WWOX: variants seen among roughly 807,000 people sequenced by gnomAD.
The protein encoded by WWOX is WW domain-containing oxidoreductase.
WWOX carries 69 observed loss-of-function variants against 46.2 expected under a neutral mutation model. The observed-to-expected ratio is 1.49, with a 90% CI of 1.23 to 1.82. WWOX has a LOEUF of 1.82. Among genes scored for constraint, WWOX ranks in the 40% most tolerant of loss-of-function variants. The probability of loss-of-function intolerance (pLI) is 0.00; values close to 1 mark genes in which losing one functional copy is unlikely to be tolerated. For missense variants in WWOX, 919 were observed against 542.6 expected (o/e 1.69, Z -6.89); for synonymous variants, 359 against 202.6 (o/e 1.77, Z -6.56).
intron 8 of WWOX, among the ~76,000 whole-genome samples, chr16:78,952,149 C>T (rs2046073351): frequency 6.6e-6 from 1 of 152,058 alleles, no homozygotes; most frequent in African/African-American, 2.4e-5. Context: ...TAACCCTCTA[C>T]CCTCTCTTTT....
intron 8 of WWOX, among the ~76,000 whole-genome samples, chr16:78,622,069 C>T (rs951270987): frequency 6.6e-6 from 1 of 152,268 alleles, no homozygotes. Flanking sequence ...ACTGTGCATT[C>T]TAAGCACACC....
chr16:79,101,990 A>AT (rs1394487345), intron 8 of WWOX, among the ~76,000 whole-genome samples: 2 of 140,848 alleles, frequency 1.4e-5, no homozygotes, highest in Non-Finnish European at 3.1e-5. Context: ...AAGCTGCATC[A>AT]TCTTCCTCCT....
rs746139269 is a variant in WWOX at position 78,888,342 on chromosome 16, C to G, written c.1057-323266C>G. Among the ~76,000 whole-genome samples the G allele has an allele frequency of 2.0e-4, 30 of 152,192 alleles. 1 individual carries two copies. Among genetic ancestry groups the G allele is most frequent in the South Asian group, 6.2e-4 (3 of 4,824 alleles). On this transcript the variant is annotated intron_variant, in intron 8 of 8. Transcript: ENST00000566780. ...TTGATTTGTTGTTTCCTTCTCAGAA[C>G]TGAAATCCCAGGTACCTGCCCAGAG...
chr16:79,115,290 G>GA (rs1227304371), intron 8 of WWOX, among the ~76,000 whole-genome samples: 1 of 152,166 alleles, frequency 6.6e-6, no homozygotes, highest in Non-Finnish European at 1.5e-5. Context: ...TCTCATATGT[G>GA]AAAAAGAAAC....
intron 8 of WWOX, among the ~76,000 whole-genome samples, chr16:78,755,021 G>T (rs923040492): frequency 2.0e-5 from 3 of 151,126 alleles, no homozygotes; most frequent in African/African-American, 7.3e-5. Flanking sequence ...AACGGGAGGG[G>T]GGAACATCAC....
At chr16:79,196,459 CAGGG>C (rs149086664) in intron 8 of WWOX, 17,635 of 152,136 alleles carry the variant, frequency 0.12, 1,179 homozygotes, top group African/African-American at 0.18. Flanking sequence ...CTGGAGGCCC[CAGGG>C]TTATCTCTGC....
chr16:78,526,729 C>A lies in WWOX; in HGVS notation c.1056+93977C>A, dbSNP rs111925037. Among the ~76,000 whole-genome samples, 149 of 152,288 alleles carry A rather than the reference C, an allele frequency of 9.8e-4. 1 individual carries two copies. The highest frequency in any genetic ancestry group is 3.4e-3 in the African/African-American group (143 of 41,568). Reference sequence around the variant, plus strand: ...TGCTGACCTGTGACCATCTCCAAGTCCATGCCCAGGCCCCTACTAGGAGTT... The same window carrying A: ...TGCTGACCTGTGACCATCTCCAAGTACATGCCCAGGCCCCTACTAGGAGTT... On this transcript the variant is annotated intron_variant, in intron 8 of 8. Transcript: ENST00000566780.
intron 8 of WWOX, among the ~76,000 whole-genome samples, chr16:78,744,407 C>G (rs1355753053): frequency 6.7e-6 from 1 of 148,334 alleles, no homozygotes; most frequent in East Asian, 2.0e-4. Flanking sequence ...TAGGAAGGGC[C>G]CATGGTCCAC....
At chr16:79,074,414 T>G (rs1211085266) in intron 8 of WWOX, among the ~76,000 whole-genome samples, 1 of 105,524 alleles carries the variant, frequency 9.5e-6, no homozygotes, top group African/African-American at 4.2e-5. Context: ...TAGTCCTTTT[T>G]TTTTTTTTTT....
intron 8 of WWOX, among the ~76,000 whole-genome samples, chr16:79,151,131 T>TC (rs5818204): frequency 0.36 from 54,258 of 151,992 alleles, 10,175 homozygotes; most frequent in East Asian, 0.52. Flanking sequence ...TTGACTCATT[T>TC]CCCCAGAAAA....
chr16:79,150,535 G>C (rs781093738), intron 8 of WWOX, among the ~76,000 whole-genome samples: 1 of 152,170 alleles, frequency 6.6e-6, no homozygotes, highest in Non-Finnish European at 1.5e-5. Context: ...TCATCTCTAA[G>C]GGGCAGCCAT....
chr16:78,437,353 T>G (rs533298189), intron 8 of WWOX, among the ~76,000 whole-genome samples: 164 of 152,358 alleles, frequency 1.1e-3, no homozygotes, highest in African/African-American at 3.8e-3. Flanking sequence ...ATTTTACAAT[T>G]GGATGTTCTT....
intron 8 of WWOX, among the ~76,000 whole-genome samples, chr16:78,879,675 C>A (rs1434995918): frequency 6.6e-6 from 1 of 151,894 alleles, no homozygotes; most frequent in Non-Finnish European, 1.5e-5. Context: ...GTCGGGAGTT[C>A]GAGACCAGTC....
intron 8 of WWOX, among the ~76,000 whole-genome samples, chr16:78,826,788 G>C (rs940627012): frequency 2.6e-5 from 4 of 152,130 alleles, no homozygotes; most frequent in Non-Finnish European, 5.9e-5. Flanking sequence ...TGAGGTTTGA[G>C]GGGTGGTATG....
intron 5 of WWOX, among the ~76,000 whole-genome samples, chr16:78,184,118 A>G (rs1357000309): frequency 6.6e-6 from 1 of 152,046 alleles, no homozygotes; most frequent in Non-Finnish European, 1.5e-5. Context: ...TCCTTCCACC[A>G]TATCAGAAGG....
chr16:78,551,605 G>C (rs1958326317), intron 8 of WWOX: 1 of 152,228 alleles, frequency 6.6e-6, no homozygotes, highest in South Asian at 2.1e-4. Flanking sequence ...GCTTTGAATG[G>C]TGAATACCCT....
chr16:78,265,749 T>C (rs2079349598), intron 5 of WWOX, among the ~76,000 whole-genome samples: 1 of 151,030 alleles, frequency 6.6e-6, no homozygotes, highest in Admixed American at 6.6e-5. Flanking sequence ...CAAAGTTGTA[T>C]CAGCTTTTTT....
intron 5 of WWOX, among the ~76,000 whole-genome samples, chr16:78,319,515 G>C (rs1027977762): frequency 2.0e-5 from 3 of 151,912 alleles, no homozygotes; most frequent in Admixed American, 1.3e-4. Flanking sequence ...TCCCTCCTTG[G>C]CCTCCCAATC....
intron 8 of WWOX, among the ~76,000 whole-genome samples, chr16:79,121,751 A>G (rs1281682123): frequency 1.3e-5 from 2 of 152,236 alleles, no homozygotes; most frequent in Non-Finnish European, 2.9e-5. Flanking sequence ...GATAGATTCA[A>G]TTGGGAAAAC....
Sources: gnomAD v4.1 joint callset for allele counts (sites outside exome capture counted in the v4.1 genomes callset) on GRCh38, gnomAD v4.1.1 for gene constraint, MANE v1.5 for transcripts, NCBI Gene and HGNC (gene_info 2026-07-23, HGNC 2026-07-21) for gene names.